The following CTNND2 variants were observed in gnomAD, a reference collection of about 807,000 sequenced individuals.
CTNND2 encodes the protein catenin delta-2.
A neutral mutation model predicts 144.4 loss-of-function variants in CTNND2; 22 were observed. The observed-to-expected ratio is 0.15, with a 90% CI of 0.11 to 0.22. The LOEUF is 0.22. Ranked by LOEUF, CTNND2 falls within the 10% of genes least tolerant of loss-of-function variation. CTNND2 has a pLI of 1.00. For missense variants in CTNND2, 1,353 were observed against 1,618.8 expected (o/e 0.84, Z 2.82); for synonymous variants, 751 against 695.6 (o/e 1.08, Z -1.25).
intron 2 of CTNND2, among the ~76,000 whole-genome samples, chr5:11,572,419 A>C (rs1052768079): frequency 2.6e-5 from 4 of 152,168 alleles, no homozygotes; most frequent in Non-Finnish European, 4.4e-5. Context: ...TGGGTCAATA[A>C]TACAGAGAGA....
In CTNND2 at chr5:11,325,172, A is replaced by G. The variant is rs554030300; in HGVS notation, c.1628+21200T>C. ...CGAAAGGCTTGGAGCTGACCCAGTA[A>G]AATTGAGATTATGAAGCATTCAGTT... On this transcript the variant is annotated intron_variant, in intron 9 of 21. Coordinates refer to ENST00000304623, the MANE Select transcript of CTNND2 (RefSeq NM_001332.4). 1.2e-3 allele frequency among the ~76,000 whole-genome samples: 189 copies of G among 152,276 alleles called. 1 individual carries two copies. Among genetic ancestry groups the G allele is most frequent in the African/African-American group, 3.9e-3 (164 of 41,562 alleles).
intron 1 of CTNND2, among the ~76,000 whole-genome samples, chr5:11,815,442 A>T (rs1358134121): frequency 6.6e-6 from 1 of 152,222 alleles, no homozygotes; most frequent in Non-Finnish European, 1.5e-5. Context: ...GCAGCTATTA[A>T]TGAATTTTAT....
intron 1 of CTNND2, among the ~76,000 whole-genome samples, chr5:11,767,296 T>G (rs578208538): frequency 3.3e-5 from 5 of 152,196 alleles, no homozygotes; most frequent in African/African-American, 1.2e-4. Flanking sequence ...AGGAAAACCA[T>G]TGGCTACACA....
intron 8 of CTNND2, among the ~76,000 whole-genome samples, chr5:11,359,328 T>G (rs145428649): frequency 6.4e-4 from 97 of 152,308 alleles, no homozygotes; most frequent in African/African-American, 2.2e-3. Flanking sequence ...GGGATGGTCA[T>G]GTAAAAGTAA....
intron 3 of CTNND2, among the ~76,000 whole-genome samples, chr5:11,477,267 T>A (rs185696061): frequency 6.6e-6 from 1 of 152,214 alleles, no homozygotes; most frequent in African/African-American, 2.4e-5. Context: ...GCAACTTTTT[T>A]TGTTTTGTTT....
chr5:11,088,515 T>G (rs1214227584), intron 15 of CTNND2, among the ~76,000 whole-genome samples: 1 of 152,236 alleles, frequency 6.6e-6, no homozygotes, highest in Non-Finnish European at 1.5e-5. Context: ...TATTTTTTTT[T>G]CTCTTTAAAC....
Position 10,972,793 on chromosome 5 carries a change from TAAAAC to T in CTNND2, c.*655_*659del. 1 of 152,336 alleles carries T rather than the reference TAAAAC, an allele frequency of 6.6e-6. No individual in the cohort carries two copies. The highest frequency in any genetic ancestry group is 1.5e-5 in the Non-Finnish European group (1 of 67,982). The allele number at this position is 152,336 out of a possible 1,614,324, so 9.4% of individuals were successfully genotyped here. A position where few individuals can be genotyped will look rare whatever the true frequency, so the allele number is the denominator to read the frequency against. On this transcript the variant is annotated 3_prime_UTR_variant, in exon 22 of 22. Transcript: ENST00000304623. ...TTTTCCTGCTTTTTTTTTTTTTTGT[TAAAAC>T]ATACTGGGAGAAAGTAAAGAAAAAC...
chr5:11,453,650 T>C (rs1561417354), intron 3 of CTNND2, among the ~76,000 whole-genome samples: 1 of 152,192 alleles, frequency 6.6e-6, no homozygotes, highest in Non-Finnish European at 1.5e-5. Context: ...TCAAAGAACA[T>C]ATAACCTAGT....
chr5:11,119,427 TACTG>T (rs1753862747), intron 12 of CTNND2, among the ~76,000 whole-genome samples: 1 of 152,194 alleles, frequency 6.6e-6, no homozygotes, highest in Admixed American at 6.5e-5. Flanking sequence ...ACTAGGCAAA[TACTG>T]ACAGCATTTT....
rs773968695 is a variant in CTNND2 at position 11,018,076 on chromosome 5, G to A, written c.3000-18C>T. The A allele has an allele frequency of 3.8e-6, 6 of 1,580,912 alleles. No homozygotes were observed. The South Asian group carries it at 6.6e-5, about 17-fold the overall frequency. ...GAGAGTGTCTGATGAAGAAAAGACA[G>A]GAAAGGCAAGATGTGAGTGGGACAG... is the stretch of plus-strand genomic sequence containing the variant. On this transcript the variant is annotated intron_variant, in intron 17 of 21. Transcript: ENST00000304623.
chr5:11,822,184 G>C (rs2126943266), intron 1 of CTNND2, among the ~76,000 whole-genome samples: 1 of 152,228 alleles, frequency 6.6e-6, no homozygotes, highest in Non-Finnish European at 1.5e-5. Flanking sequence ...GTTAATGACA[G>C]AACAGGAATG....
intron 9 of CTNND2, among the ~76,000 whole-genome samples, chr5:11,242,949 TG>T (rs1742608495): frequency 6.6e-6 from 1 of 152,176 alleles, no homozygotes; most frequent in Non-Finnish European, 1.5e-5. Flanking sequence ...ATAATATATA[TG>T]AAAGTGCTTG....
At chr5:11,189,665 G>A (rs1736043590) in intron 11 of CTNND2, among the ~76,000 whole-genome samples, 2 of 152,166 alleles carry the variant, frequency 1.3e-5, no homozygotes, top group African/African-American at 4.8e-5. Context: ...CCAGTCAACA[G>A]TAAGCTATTT....
rs544034620 is a variant in CTNND2 at position 11,765,308 on chromosome 5, C to T, written c.38-33036G>A. On this transcript the variant is annotated intron_variant, in intron 1 of 21. Transcript: ENST00000304623. The stretch of plus-strand genomic sequence containing the variant: ...CAAATGCCCAGGGACGAGCAGAAGC[C>T]GCTCAGGGGGAAGGTGGAGAAGGGG... Among the ~76,000 whole-genome samples the T allele has an allele frequency of 1.9e-4, 29 of 152,256 alleles. No homozygotes were observed. The South Asian group carries it at 2.3e-3, about 12-fold the overall frequency.
chr5:11,704,168 T>A (rs1358189518), intron 2 of CTNND2, among the ~76,000 whole-genome samples: 1 of 152,242 alleles, frequency 6.6e-6, no homozygotes. Flanking sequence ...CTAAGAAGCC[T>A]CAATAGTGCT....
At chr5:11,162,613 T>C (rs2057794) in intron 11 of CTNND2, among the ~76,000 whole-genome samples, 18,489 of 152,122 alleles carry the variant, frequency 0.12, 1,279 homozygotes, top group African/African-American at 0.18. Flanking sequence ...CCTGGACTTA[T>C]TACAACTGCA....
chr5:11,222,174 G>A (rs550276024), intron 10 of CTNND2, among the ~76,000 whole-genome samples: 17 of 152,166 alleles, frequency 1.1e-4, no homozygotes, highest in Non-Finnish European at 2.4e-4. Flanking sequence ...GTGGAGAGGC[G>A]GGGGGAAGAT....
At chr5:11,032,673 C>T (rs1440377977) in intron 16 of CTNND2, among the ~76,000 whole-genome samples, 4 of 152,014 alleles carry the variant, frequency 2.6e-5, no homozygotes, top group Non-Finnish European at 5.9e-5. Context: ...ACATGGAATA[C>T]TACTTAGCAA....
At chr5:11,179,943 G>C (rs1760838644) in intron 11 of CTNND2, among the ~76,000 whole-genome samples, 1 of 152,150 alleles carries the variant, frequency 6.6e-6, no homozygotes, top group Admixed American at 6.5e-5. Context: ...TAAACTAAAG[G>C]CTCTGCTCAT....
Sources: allele counts gnomAD v4.1 joint callset (sites outside exome capture counted in the v4.1 genomes callset), GRCh38; gene constraint gnomAD v4.1.1; transcripts MANE v1.5; gene names NCBI Gene and HGNC (gene_info 2026-07-23, HGNC 2026-07-21).